Variants in SCAP observed in about 807,000 individuals in gnomAD.
The protein encoded by SCAP is sterol regulatory element-binding protein cleavage-activating protein.
A neutral mutation model predicts 123.6 loss-of-function variants in SCAP; 65 were observed. The ratio of observed to expected loss-of-function variants is 0.53; its 90% CI spans 0.43 to 0.65. The LOEUF (loss-of-function observed/expected upper bound fraction) is 0.65, where lower values mean the gene tolerates loss of function less well. Ranked by LOEUF, SCAP falls within the 30% of genes least tolerant of loss-of-function variation. The pLI is 0.00. For synonymous variants in SCAP, 740 were observed against 726.3 expected, an observed-to-expected ratio of 1.02 and a Z score of -0.30; for missense variants, 1,398 against 1,712.5, an observed-to-expected ratio of 0.82 and a Z score of 3.24.
At position 47,473,095 on chromosome 3, in the gene SCAP, A is replaced by AAAAAAAAAAAAC. The variant is rs1559576259; in HGVS notation, c.-99+2703_-99+2704insGTTTTTTTTTTT. 1.2e-4 allele frequency among the ~76,000 whole-genome samples: 18 copies of AAAAAAAAAAAAC among 146,396 alleles called. 1 individual carries two copies. The highest frequency in any genetic ancestry group is 4.0e-4 in the African/African-American group (16 of 39,898). On this transcript the variant is annotated intron_variant, in intron 1 of 22. Coordinates refer to ENST00000265565, the MANE Select transcript of SCAP (RefSeq NM_012235.4). Reference sequence around the variant, plus strand: ...AACTCCATCTCAAAAAAAAAAAAAAAAAAACAGACTGTGGAAGCAGGTACA... The same window carrying AAAAAAAAAAAAC: ...AACTCCATCTCAAAAAAAAAAAAAAAAAAAAAAAAAACAAAACAGACTGTGGAAGCAGGTACA...
chr3:47,430,547 G>C (rs1294278613), intron 3 of SCAP, among the ~76,000 whole-genome samples: 1 of 152,184 alleles, frequency 6.6e-6, no homozygotes, highest in Non-Finnish European at 1.5e-5. Flanking sequence ...TCTGCACCAA[G>C]GAAACCTGTC....
chr3:47,428,967 C>T, intron 3 of SCAP: 1 of 329,794 alleles, frequency 3.0e-6, no homozygotes, highest in Non-Finnish European at 5.6e-6. Context: ...TGAATTTCCA[C>T]TGCCATGTTT....
In SCAP at chr3:47,417,366, T is replaced by A; in HGVS notation, c.2908A>T (p.Ile970Phe). The A allele has an allele frequency of 1.2e-6, 2 of 1,609,298 alleles. No homozygotes were observed. Among genetic ancestry groups the A allele is most frequent in the Non-Finnish European group, 1.7e-6 (2 of 1,178,548 alleles). ...LAWAPSAEGS[I>F]WSLELQGNLI... The stretch of plus-strand genomic sequence containing the variant: ...TTGCCCTGCAGCTCCAAGCTCCAGA[T>A]GGAACCCTCGGCACTGGGGGCCCAG... Residue 970 changes from isoleucine (I) to phenylalanine (F), a missense_variant, in exon 17 of 23, where the codon ATC (isoleucine) becomes TTC (phenylalanine). Coordinates refer to ENST00000265565, the MANE Select transcript of SCAP (RefSeq NM_012235.4).
intron 18 of SCAP, among the ~76,000 whole-genome samples, chr3:47,415,625 T>G (rs551504148): frequency 1.5e-4 from 23 of 152,288 alleles, no homozygotes; most frequent in Admixed American, 2.6e-4. Context: ...CAAGCACAGC[T>G]CACATCAATT....
At chr3:47,426,399 C>A (rs532126223) in intron 6 of SCAP, among the ~76,000 whole-genome samples, 1 of 151,968 alleles carries the variant, frequency 6.6e-6, no homozygotes, top group Non-Finnish European at 1.5e-5. Flanking sequence ...TCTCCCTTTC[C>A]GGACCTACTC....
chr3:47,422,632 A>G (rs1038394), intron 9 of SCAP, 96 bp from the exon 10 acceptor site: 580,782 of 1,023,472 alleles, frequency 0.57, 168,914 homozygotes, highest in Non-Finnish European at 0.6. Flanking sequence ...GAGGCATGGC[A>G]AGGCCCCCCA....
chr3:47,424,370 CAGG>C (rs1307823050), intron 8 of SCAP, among the ~76,000 whole-genome samples: 5 of 152,346 alleles, frequency 3.3e-5, no homozygotes, highest in African/African-American at 1.2e-4. Flanking sequence ...TGGCCCTTCC[CAGG>C]AGAAGACTGC....
chr3:47,430,693 G>C (rs1317066970), intron 3 of SCAP, among the ~76,000 whole-genome samples: 1 of 152,210 alleles, frequency 6.6e-6, no homozygotes, highest in Non-Finnish European at 1.5e-5. Flanking sequence ...TGAAAGCAGT[G>C]CTCTGTAAAG....
intron 3 of SCAP, among the ~76,000 whole-genome samples, chr3:47,432,063 C>T (rs910106795): frequency 6.6e-6 from 1 of 151,996 alleles, no homozygotes; most frequent in African/African-American, 2.4e-5. Context: ...GCCTGTAATC[C>T]CAGCACTTTG....
At position 47,415,139 on chromosome 3, in the gene SCAP, G is replaced by A; in HGVS notation, c.3098C>T (p.Ser1033Phe). 6.2e-7 allele frequency: 1 copy of A among 1,612,460 alleles called. No homozygotes were observed. Among genetic ancestry groups the A allele is most frequent in the Non-Finnish European group, 8.5e-7 (1 of 1,179,626 alleles). ...GCTGAGGGCAGTGTGGGTCTCCAAGGAGAAGAAATCAAGGGAACCGTTGAG... is the reference window on the plus strand; with the variant it reads ...GCTGAGGGCAGTGTGGGTCTCCAAGAAGAAGAAATCAAGGGAACCGTTGAG... ...ARLNGSLDFF[S>F]LETHTALSPL... Residue 1033 changes from serine to phenylalanine, a missense_variant, in exon 19 of 23, where the codon TCC becomes TTC. Physicochemically the swap from Ser to Phe is radical, Grantham distance 155. Coordinates refer to ENST00000265565, the MANE Select transcript of SCAP (RefSeq NM_012235.4).
intron 1 of SCAP, among the ~76,000 whole-genome samples, chr3:47,467,434 A>G (rs572754270): frequency 2.0e-5 from 3 of 151,950 alleles, no homozygotes; most frequent in African/African-American, 7.2e-5. Flanking sequence ...GTGAAACCCC[A>G]TCTCCACAAA....
intron 2 of SCAP, among the ~76,000 whole-genome samples, chr3:47,438,878 T>C (rs1468191022): frequency 1.3e-5 from 2 of 151,952 alleles, no homozygotes; most frequent in Non-Finnish European, 2.9e-5. Context: ...TCACAGAGTA[T>C]AGTCAGTTTT....
At chr3:47,434,259 A>G (rs776236659) in intron 3 of SCAP, among the ~76,000 whole-genome samples, 16 of 152,220 alleles carry the variant, frequency 1.1e-4, no homozygotes, top group Non-Finnish European at 2.1e-4. Flanking sequence ...TTCCTCAACA[A>G]CAGATTCAGC....
chr3:47,460,368 A>G (rs1707585541), intron 1 of SCAP, among the ~76,000 whole-genome samples: 1 of 152,218 alleles, frequency 6.6e-6, no homozygotes, highest in South Asian at 2.1e-4. Context: ...TTAACGATTT[A>G]TGTTCAGAGA....
At position 47,420,663 on chromosome 3, in the gene SCAP, G is replaced by A. The variant is rs1705853367; in HGVS notation, c.1454C>T (p.Pro485Leu). 1.2e-6 allele frequency: 2 copies of A among 1,612,004 alleles called. No homozygotes were observed. The highest frequency in any genetic ancestry group is 4.5e-5 in the East Asian group (2 of 44,886). ...AGACGGCTGCAACGTGATGGTGTGG[G>A]GTGTGGACGGCCTCACAGCCAGCTG... is the stretch of plus-strand genomic sequence containing the variant. The part of the protein sequence containing the change: ...ERQLAVRPST[P>L]HTITLQPSSF... The change falls in exon 12 of 23, where the codon CCC becomes CTC. Residue 485 changes from proline to leucine, a missense_variant. This residue lies in a region of SCAP where 828 missense variants were observed against 882.5 expected (regional missense o/e 0.94). Transcript: ENST00000265565. This position sits in a 1 kb window ranked among gnomAD's most constrained non-coding sequence, Gnocchi z 5.0.
At chr3:47,430,411 A>G (rs1706308812) in intron 3 of SCAP, among the ~76,000 whole-genome samples, 1 of 152,244 alleles carries the variant, frequency 6.6e-6, no homozygotes, top group South Asian at 2.1e-4. Context: ...ATGCTGGGTC[A>G]GCCACAGCAG....
Position 47,413,990 on chromosome 3 carries a change from G to C in SCAP, c.3704C>G (p.Thr1235Arg). 6.2e-7 allele frequency: 1 copy of C among 1,613,300 alleles called. No individual in the cohort carries two copies. Among genetic ancestry groups the C allele is most frequent in the Non-Finnish European group, 8.5e-7 (1 of 1,179,994 alleles). The change falls in exon 23 of 23, where the codon ACA (threonine) becomes AGA (arginine). Residue 1235 changes from threonine (T) to arginine (R), a missense_variant. By Grantham distance (71) the Thr-to-Arg change is moderately conservative. This residue lies in a region of SCAP where 130 missense variants were observed against 166.7 expected (regional missense o/e 0.78). Transcript: ENST00000265565. ...CTCACTGTTCTTCCCCAGGTAGACT[G>C]TCTGTAACAGGTCCCCGTAGTTTAG... ...WDLNYGDLLQTVYLGKNSEAQ... is the reference protein window; with the variant it reads ...WDLNYGDLLQRVYLGKNSEAQ...
At position 47,421,003 on chromosome 3, in the gene SCAP, C is replaced by A; in HGVS notation, c.1272G>T (p.Gly424=). Residue 424 remains glycine (G), a synonymous_variant, in exon 11 of 23, where the codon GGG becomes GGT. Coordinates refer to ENST00000265565, the MANE Select transcript of SCAP (RefSeq NM_012235.4). The part of the protein sequence containing the change: ...IQEFCLFAVV[G]LVSDFFLQML... ...TCTGAAGGAAGAAGTCAGACACCAG[C>A]CCCACGACAGCAAAGAGACAGAACT... The A allele has an allele frequency of 6.2e-7, 1 of 1,613,930 alleles. No homozygotes were observed. Among genetic ancestry groups the A allele is most frequent in the Admixed American group, 1.7e-5 (1 of 60,022 alleles).
chr3:47,417,062 A>ATCTT lies in SCAP; in HGVS notation c.3056+59_3056+60insAAGA. 1.4e-6 allele frequency: 2 copies of ATCTT among 1,465,512 alleles called. 1 individual carries two copies. Among genetic ancestry groups the ATCTT allele is most frequent in the South Asian group, 2.3e-5 (2 of 86,224 alleles). 90.8% of individuals were successfully genotyped at this position (1,465,512 alleles called of 1,614,324 possible). On this transcript the variant is annotated intron_variant, in intron 18 of 22. Coordinates refer to ENST00000265565, the MANE Select transcript of SCAP (RefSeq NM_012235.4). ...AGAGAACCAGAACTCAAGACTCAAG[A>ATCTT]GAGTATGGCCTAGCCAACAAAGGCT...
Sources: allele counts gnomAD v4.1 joint callset (sites outside exome capture counted in the v4.1 genomes callset), GRCh38; gene constraint gnomAD v4.1.1; regional missense constraint gnomAD v4.1.1; non-coding constraint Gnocchi (gnomAD v3.1); transcripts MANE v1.5; gene names NCBI Gene and HGNC (gene_info 2026-07-23, HGNC 2026-07-21).